NCAM2: variants seen among roughly 807,000 people sequenced by gnomAD.
NCAM2 encodes the protein N-CAM-2.
A neutral mutation model predicts 98.1 loss-of-function variants in NCAM2; 30 were observed. That is an observed-to-expected ratio of 0.31 (90% CI 0.23 to 0.41). The LOEUF is 0.41. Ranked by LOEUF, NCAM2 falls within the 10% of genes least tolerant of loss-of-function variation. The pLI is 1.00. For synonymous variants in NCAM2, 368 were observed against 342.4 expected (o/e 1.07, Z -0.83); for missense variants, 867 against 1,005.8 (o/e 0.86, Z 1.87).
chr21:21,500,031 T>C (rs1987525617), intron 15 of NCAM2, among the ~76,000 whole-genome samples: 1 of 152,136 alleles, frequency 6.6e-6, no homozygotes, highest in African/African-American at 2.4e-5. Flanking sequence ...GTTTATAATT[T>C]AAAATAAAAA....
At position 21,466,835 on chromosome 21, in the gene NCAM2, T is replaced by C. The variant is rs1339143163; in HGVS notation, c.1774+110T>C. The C allele has an allele frequency of 6.2e-6, 7 of 1,133,776 alleles. No homozygotes were observed. The African/African-American group carries it at 8.2e-5, about 13-fold the overall frequency. 70.2% of individuals were successfully genotyped at this position (1,133,776 alleles called of 1,614,324 possible). A position where few individuals can be genotyped will look rare whatever the true frequency, so the allele number is the denominator to read the frequency against. On this transcript the variant is annotated intron_variant, in intron 13 of 17. Transcript: ENST00000400546. Reference sequence around the variant, plus strand: ...TTCAACACTTTTGAGACATGAATTATGTCTTTGGTGAAGTGGTTTCTGAAG... The same window carrying C: ...TTCAACACTTTTGAGACATGAATTACGTCTTTGGTGAAGTGGTTTCTGAAG...
intron 15 of NCAM2, among the ~76,000 whole-genome samples, chr21:21,498,581 A>G (rs543034466): frequency 1.3e-5 from 2 of 152,298 alleles, no homozygotes; most frequent in Admixed American, 1.3e-4. Context: ...AACTTAAAAA[A>G]GTTGCCAATA....
At chr21:21,501,236 C>T (rs1000403895) in intron 15 of NCAM2, among the ~76,000 whole-genome samples, 1 of 151,882 alleles carries the variant, frequency 6.6e-6, no homozygotes, top group Non-Finnish European at 1.5e-5. Flanking sequence ...CAACAAGAAG[C>T]GTTGTATAAA....
chr21:21,317,862 G>A lies in NCAM2; in HGVS notation c.620-6521G>A, dbSNP rs73322716. 1.7e-3 allele frequency among the ~76,000 whole-genome samples: 266 copies of A among 152,128 alleles called. 2 individuals are homozygous for A. Among genetic ancestry groups the A allele is most frequent in the African/African-American group, 6.1e-3 (255 of 41,518 alleles). On this transcript the variant is annotated intron_variant, in intron 5 of 17. Coordinates refer to ENST00000400546, the MANE Select transcript of NCAM2 (RefSeq NM_004540.5). ...CTTTTTAAACTTGAATTACCAACTTGTATTCTAGTCCATTTTGTACCCCAG... is the reference window on the plus strand; with the variant it reads ...CTTTTTAAACTTGAATTACCAACTTATATTCTAGTCCATTTTGTACCCCAG...
At chr21:21,106,297 G>C (rs1320973870) in intron 1 of NCAM2, among the ~76,000 whole-genome samples, 1 of 70,316 alleles carries the variant, frequency 1.4e-5, no homozygotes, top group African/African-American at 9.1e-5. Context: ...AACAGAATGA[G>C]AGACATGTCT....
chr21:21,156,171 C>A (rs528707457), intron 1 of NCAM2, among the ~76,000 whole-genome samples: 2 of 152,128 alleles, frequency 1.3e-5, no homozygotes, highest in Admixed American at 6.5e-5. Flanking sequence ...AGACTTGCTA[C>A]TGTAGCATGC....
At chr21:21,122,777 G>A (rs1000893223) in intron 1 of NCAM2, among the ~76,000 whole-genome samples, 2 of 152,196 alleles carry the variant, frequency 1.3e-5, no homozygotes, top group African/African-American at 4.8e-5. Context: ...TCAGAACTGA[G>A]CCATTGTGAC....
chr21:21,079,890 T>G (rs747349947), intron 1 of NCAM2, among the ~76,000 whole-genome samples: 2 of 152,226 alleles, frequency 1.3e-5, no homozygotes, highest in African/African-American at 2.4e-5. Context: ...ACATCTGTTT[T>G]CTAACTTTAT....
intron 6 of NCAM2, among the ~76,000 whole-genome samples, chr21:21,333,284 A>G (rs1331370798): frequency 6.6e-6 from 1 of 152,146 alleles, no homozygotes; most frequent in Non-Finnish European, 1.5e-5. Context: ...GTACACACTT[A>G]TGTTCTCTAA....
intron 8 of NCAM2, among the ~76,000 whole-genome samples, chr21:21,369,364 A>G (rs942098305): frequency 6.6e-6 from 1 of 151,694 alleles, no homozygotes; most frequent in African/African-American, 2.4e-5. Flanking sequence ...GTTTTTTTCA[A>G]TCCATGCACC....
intron 9 of NCAM2, among the ~76,000 whole-genome samples, chr21:21,385,304 T>C (rs2076243388): frequency 6.6e-6 from 1 of 151,842 alleles, no homozygotes; most frequent in South Asian, 2.1e-4. Flanking sequence ...CAGAATACTT[T>C]TGTTATGCAT....
chr21:21,324,330 T>C (rs1419590645), intron 5 of NCAM2, 53 bp from the exon 6 acceptor site: 2 of 1,274,952 alleles, frequency 1.6e-6, no homozygotes, highest in South Asian at 1.4e-5. Flanking sequence ...CTCTAAATGA[T>C]GGTAGTGAAG....
chr21:21,150,998 G>A (rs953798983), intron 1 of NCAM2, among the ~76,000 whole-genome samples: 1 of 151,220 alleles, frequency 6.6e-6, no homozygotes, highest in Non-Finnish European at 1.5e-5. Context: ...ATTTTTAATC[G>A]TGATATGTTT....
chr21:21,196,069 A>G (rs1479312318), intron 1 of NCAM2, among the ~76,000 whole-genome samples: 1 of 152,198 alleles, frequency 6.6e-6, no homozygotes, highest in African/African-American at 2.4e-5. Context: ...GTAATCCTAC[A>G]TGATTTAAAT....
chr21:21,432,914 CAG>C (rs2088426817), intron 12 of NCAM2, among the ~76,000 whole-genome samples: 1 of 152,098 alleles, frequency 6.6e-6, no homozygotes, highest in South Asian at 2.1e-4. Context: ...GTTTAAGACA[CAG>C]AACCATACTG....
chr21:21,172,701 C>T (rs184469495), intron 1 of NCAM2, among the ~76,000 whole-genome samples: 69 of 152,052 alleles, frequency 4.5e-4, no homozygotes, highest in African/African-American at 1.5e-3. Context: ...GAGCTGCAGG[C>T]GATTCATTAA....
chr21:21,449,416 T>A (rs1052788642), intron 12 of NCAM2, among the ~76,000 whole-genome samples: 2 of 151,698 alleles, frequency 1.3e-5, no homozygotes, highest in African/African-American at 4.8e-5. Context: ...AAACATACAC[T>A]CTTAAGGCAA....
chr21:21,245,901 G>T (rs2071251236), intron 1 of NCAM2, among the ~76,000 whole-genome samples: 1 of 152,084 alleles, frequency 6.6e-6, no homozygotes, highest in Admixed American at 6.6e-5. Context: ...AGGTAGATAG[G>T]TTAGATATGT....
At chr21:21,457,228 A>G (rs1191092215) in intron 12 of NCAM2, among the ~76,000 whole-genome samples, 1 of 152,204 alleles carries the variant, frequency 6.6e-6, no homozygotes, top group Non-Finnish European at 1.5e-5. Flanking sequence ...CTTTGTGAAT[A>G]CTTCTTTGTG....
Sources: allele counts gnomAD v4.1 joint callset (sites outside exome capture counted in the v4.1 genomes callset), GRCh38; gene constraint gnomAD v4.1.1; transcripts MANE v1.5; gene names NCBI Gene and HGNC (gene_info 2026-07-23, HGNC 2026-07-21).